The following NPAS3 variants were observed in gnomAD, a reference collection of about 807,000 sequenced individuals.
NPAS3 encodes neuronal PAS domain-containing protein 3.
In NPAS3, 14 loss-of-function variants were observed where a neutral mutation model predicts 73.1. The ratio of observed to expected loss-of-function variants is 0.19; its 90% CI spans 0.13 to 0.30. The LOEUF is 0.30. Ranked by LOEUF, NPAS3 falls within the 10% of genes least tolerant of loss-of-function variation. NPAS3 has a pLI of 1.00. For synonymous variants in NPAS3, 620 were observed against 541.5 expected, an observed-to-expected ratio of 1.14 and a Z score of -2.01; for missense variants, 1,096 against 1,250.0, an observed-to-expected ratio of 0.88 and a Z score of 1.86.
chr14:33,560,460 C>T, intron 5 of NPAS3: 1 of 337,372 alleles, frequency 3.0e-6, no homozygotes, highest in Non-Finnish European at 5.4e-6. Flanking sequence ...TTATCGAGAA[C>T]AAATGAAGTT....
At chr14:33,369,967 G>A (rs965863502) in intron 4 of NPAS3, among the ~76,000 whole-genome samples, 2 of 152,098 alleles carry the variant, frequency 1.3e-5, no homozygotes, top group African/African-American at 4.8e-5. Flanking sequence ...ATAAAGACTG[G>A]AATGAATTCT....
At chr14:33,055,793 T>TCGGTGGTGG in intron 1 of NPAS3, 112 bp from the exon 2 acceptor site, 1 of 652,878 alleles carries the variant, frequency 1.5e-6, no homozygotes, top group Non-Finnish European at 2.8e-6. Context: ...TGTGTAGAGC[T>TCGGTGGTGG]CAAAAGCGTA....
chr14:33,167,317 G>C (rs1184374383), intron 2 of NPAS3, among the ~76,000 whole-genome samples: 1 of 152,142 alleles, frequency 6.6e-6, no homozygotes, highest in Non-Finnish European at 1.5e-5. Context: ...ATCTCCTAGA[G>C]AGAGGGCTCC....
chr14:32,959,633 G>A (rs1011275065), intron 1 of NPAS3, among the ~76,000 whole-genome samples: 7 of 152,202 alleles, frequency 4.6e-5, no homozygotes, highest in African/African-American at 1.7e-4. Flanking sequence ...TTACGACTAT[G>A]ATGTAAAGGA....
At chr14:33,074,388 G>A (rs1415448879) in intron 2 of NPAS3, among the ~76,000 whole-genome samples, 1 of 152,140 alleles carries the variant, frequency 6.6e-6, no homozygotes, top group Non-Finnish European at 1.5e-5. Flanking sequence ...ACACATGCAT[G>A]TTGTGGGTGA....
At chr14:33,727,457 G>T (rs893403730) in intron 6 of NPAS3, among the ~76,000 whole-genome samples, 1 of 151,848 alleles carries the variant, frequency 6.6e-6, no homozygotes, top group Non-Finnish European at 1.5e-5. Flanking sequence ...TTAGCTATTC[G>T]GTTCTATCAA....
chr14:33,298,623 A>C (rs956685606), intron 3 of NPAS3, among the ~76,000 whole-genome samples: 14 of 152,038 alleles, frequency 9.2e-5, no homozygotes, highest in African/African-American at 3.4e-4. Flanking sequence ...ATCCTTTCCT[A>C]TATGTTTTCC....
intron 3 of NPAS3, among the ~76,000 whole-genome samples, chr14:33,218,109 C>G (rs1333426953): frequency 6.6e-6 from 1 of 152,088 alleles, no homozygotes; most frequent in African/African-American, 2.4e-5. Context: ...TCTGGAATGG[C>G]ATGGTAGTGT....
At chr14:32,989,548 G>A (rs145469551) in intron 1 of NPAS3, among the ~76,000 whole-genome samples, 4,227 of 152,090 alleles carry the variant, frequency 0.028, 124 homozygotes, top group African/African-American at 0.08. Context: ...GCAGGCTGAG[G>A]CAGGAGAATG....
At chr14:33,702,127 C>T (rs1188814729) in intron 6 of NPAS3, among the ~76,000 whole-genome samples, 1 of 152,216 alleles carries the variant, frequency 6.6e-6, no homozygotes. Flanking sequence ...TCTAGAGAGG[C>T]TGTCCTCTGT....
intron 6 of NPAS3, among the ~76,000 whole-genome samples, chr14:33,702,563 T>C (rs1324145954): frequency 6.6e-6 from 1 of 152,226 alleles, no homozygotes; most frequent in Non-Finnish European, 1.5e-5. Flanking sequence ...CAGAGACCTG[T>C]TTCATGGTCG....
At chr14:33,763,410 C>G (rs2062359291) in intron 7 of NPAS3, among the ~76,000 whole-genome samples, 1 of 152,142 alleles carries the variant, frequency 6.6e-6, no homozygotes, top group Non-Finnish European at 1.5e-5. Flanking sequence ...AACATCTGTG[C>G]CTAGCAAAGA....
chr14:33,325,290 C>G (rs1201803286), intron 3 of NPAS3, among the ~76,000 whole-genome samples: 2 of 152,178 alleles, frequency 1.3e-5, no homozygotes, highest in South Asian at 4.1e-4. Flanking sequence ...TATCTGTCCT[C>G]TCAAGCATTT....
chr14:33,797,895 T>C (rs2063561022), intron 11 of NPAS3, among the ~76,000 whole-genome samples: 1 of 151,970 alleles, frequency 6.6e-6, no homozygotes, highest in South Asian at 2.1e-4. Context: ...TGTGTGTATA[T>C]ATACTCACAG....
chr14:33,688,825 T>C (rs2060157709), intron 6 of NPAS3, among the ~76,000 whole-genome samples: 2 of 152,198 alleles, frequency 1.3e-5, no homozygotes, highest in Non-Finnish European at 2.9e-5. Context: ...TTTCCATCCA[T>C]GATAACAATA....
intron 4 of NPAS3, among the ~76,000 whole-genome samples, chr14:33,442,205 T>A (rs2049281351): frequency 6.6e-6 from 1 of 152,146 alleles, no homozygotes; most frequent in East Asian, 1.9e-4. Flanking sequence ...AAAATGATAC[T>A]AGCTATTTAG....
chr14:33,719,174 C>A (rs1158592495), intron 6 of NPAS3, among the ~76,000 whole-genome samples: 1 of 152,110 alleles, frequency 6.6e-6, no homozygotes, highest in African/African-American at 2.4e-5. Context: ...TTCCCAATTC[C>A]GTGGCATATG....
chr14:33,509,497 C>T (rs2052935018), intron 4 of NPAS3, among the ~76,000 whole-genome samples: 2 of 152,052 alleles, frequency 1.3e-5, no homozygotes, highest in Non-Finnish European at 2.9e-5. Context: ...CTGCACCCTT[C>T]TCTTCTAGTT....
intron 7 of NPAS3, among the ~76,000 whole-genome samples, chr14:33,768,787 A>C (rs2140869468): frequency 6.6e-6 from 1 of 152,300 alleles, no homozygotes; most frequent in African/African-American, 2.4e-5. Flanking sequence ...ACCGCCCCCC[A>C]CCAATATTCC....
Sources: gnomAD v4.1 joint callset for allele counts (sites outside exome capture counted in the v4.1 genomes callset) on GRCh38, gnomAD v4.1.1 for gene constraint, MANE v1.5 for transcripts, NCBI Gene and HGNC (gene_info 2026-07-23, HGNC 2026-07-21) for gene names.